KLF12: variants seen among roughly 807,000 people sequenced by gnomAD.
KLF12 encodes Krueppel-like factor 12.
KLF12 carries 9 observed loss-of-function variants against 37.8 expected under a neutral mutation model. The ratio of observed to expected loss-of-function variants is 0.24; its 90% CI spans 0.14 to 0.42. The LOEUF (loss-of-function observed/expected upper bound fraction) is 0.42, where lower values mean the gene tolerates loss of function less well. KLF12 is among the 10% of genes least tolerant of loss of function. The probability of loss-of-function intolerance (pLI) is 1.00; values close to 1 mark genes in which losing one functional copy is unlikely to be tolerated. For synonymous variants in KLF12, 208 were observed against 202.1 expected (o/e 1.03, Z -0.25); for missense variants, 411 against 516.0 (o/e 0.80, Z 1.97).
At chr13:74,234,487 AACACTGTATGAC>A in the KLF12 span, among the ~76,000 whole-genome samples, 1 of 152,234 alleles carries the variant, frequency 6.6e-6, no homozygotes. Flanking sequence ...AATCACATGA[AACACTGTATGAC>A]ACACTGTACC....
intron 3 of KLF12, among the ~76,000 whole-genome samples, chr13:73,857,891 A>G (rs1337124411): frequency 6.6e-6 from 1 of 152,198 alleles, no homozygotes; most frequent in Non-Finnish European, 1.5e-5. Context: ...AACAATATTC[A>G]ATGGCAGGGA....
chr13:73,892,596 T>C (rs1357951303), intron 3 of KLF12, among the ~76,000 whole-genome samples: 1 of 152,172 alleles, frequency 6.6e-6, no homozygotes, highest in African/African-American at 2.4e-5. Context: ...TCTGCTAGTA[T>C]AGAAATCTAA....
the KLF12 span, among the ~76,000 whole-genome samples, chr13:74,297,089 A>G: frequency 1.1e-4 from 16 of 152,216 alleles, no homozygotes; most frequent in Non-Finnish European, 2.1e-4. Context: ...CATTCATCTT[A>G]TCAACCTCTT....
chr13:74,014,658 T>C (rs986639457), intron 1 of KLF12, among the ~76,000 whole-genome samples: 3 of 152,240 alleles, frequency 2.0e-5, no homozygotes, highest in African/African-American at 7.2e-5. Flanking sequence ...TAAAGTTATA[T>C]ATGCTGACAT....
At chr13:74,117,045 A>G (rs920926070) in intron 1 of KLF12, among the ~76,000 whole-genome samples, 4 of 152,244 alleles carry the variant, frequency 2.6e-5, no homozygotes, top group African/African-American at 7.2e-5. Context: ...TAATAATTTC[A>G]AACAGAATTA....
chr13:73,942,278 G>T (rs1890222371), intron 3 of KLF12, among the ~76,000 whole-genome samples: 1 of 152,148 alleles, frequency 6.6e-6, no homozygotes, highest in Non-Finnish European at 1.5e-5. Context: ...TGCACAGTTT[G>T]AACAGATTGT....
chr13:74,134,416 TCCCCTGTGGGAAACTAA>T (rs1173728279), upstream of KLF12, among the ~76,000 whole-genome samples: 2 of 151,332 alleles, frequency 1.3e-5, no homozygotes, highest in African/African-American at 4.9e-5. Flanking sequence ...ATGGTTGAAA[TCCCCTGTGGGAAACTAA>T]CCCCTCCCCG....
At chr13:74,036,964 G>T (rs1344095751) in intron 1 of KLF12, among the ~76,000 whole-genome samples, 1 of 152,120 alleles carries the variant, frequency 6.6e-6, no homozygotes, top group Non-Finnish European at 1.5e-5. Context: ...CCAGCACTTT[G>T]GGAGGCCGAG....
chr13:74,134,278 G>T (rs951833619), upstream of KLF12, among the ~76,000 whole-genome samples: 1 of 152,076 alleles, frequency 6.6e-6, no homozygotes, highest in African/African-American at 2.4e-5. Flanking sequence ...GCGAGCCCCG[G>T]GGTGGGGCCG....
At chr13:74,191,928 T>G in the KLF12 span, among the ~76,000 whole-genome samples, 14 of 152,188 alleles carry the variant, frequency 9.2e-5, no homozygotes, top group Non-Finnish European at 5.9e-5. Context: ...TTCCAGTCAT[T>G]CCCATTTTTG....
intron 6 of KLF12, among the ~76,000 whole-genome samples, chr13:73,764,381 T>C (rs111530582): frequency 0.014 from 2,147 of 152,218 alleles, 31 homozygotes; most frequent in South Asian, 0.058. Context: ...CTATGTTTTC[T>C]GGTTGAAATA....
chr13:73,893,836 A>G (rs1169634680), intron 3 of KLF12, among the ~76,000 whole-genome samples: 3 of 152,224 alleles, frequency 2.0e-5, no homozygotes, highest in Admixed American at 2.0e-4. Context: ...AGACGGCAAT[A>G]GAGCACAGCA....
chr13:73,971,100 G>T (rs7335575), intron 2 of KLF12, among the ~76,000 whole-genome samples: 33,339 of 152,094 alleles, frequency 0.22, 3,832 homozygotes, highest in Middle Eastern at 0.36. Flanking sequence ...CTCGAACCTG[G>T]CAAGGGACAA....
chr13:74,113,578 A>T (rs927926538), intron 1 of KLF12, among the ~76,000 whole-genome samples: 1 of 152,316 alleles, frequency 6.6e-6, no homozygotes, highest in East Asian at 1.9e-4. Flanking sequence ...CAAACTTACT[A>T]TTGAGATGTA....
rs1232090013 is a variant in KLF12 at position 73,749,311 on chromosome 13, A to T, written c.869+15627T>A. Among the ~76,000 whole-genome samples, 3 of 152,212 alleles carry T rather than the reference A, an allele frequency of 2.0e-5. No individual in the cohort carries two copies. In the East Asian group the frequency reaches 5.8e-4, roughly 29 times the overall value. On this transcript the variant is annotated intron_variant, in intron 6 of 7. Coordinates refer to ENST00000377669, the MANE Select transcript of KLF12 (RefSeq NM_007249.5). ...ATGTCGTATGCATTAATCCCATTAAACAACAGAGCCTGCATTTAAATCTCA... is the reference window on the plus strand; with the variant it reads ...ATGTCGTATGCATTAATCCCATTAATCAACAGAGCCTGCATTTAAATCTCA...
intron 3 of KLF12, among the ~76,000 whole-genome samples, chr13:73,920,814 T>C (rs1458681072): frequency 2.0e-5 from 3 of 152,058 alleles, no homozygotes; most frequent in African/African-American, 7.2e-5. Context: ...ACTTGCTGAG[T>C]ATTTTGAACT....
chr13:73,849,375 T>TAAAAAAAAAAAA lies in KLF12; in HGVS notation c.124-3014_124-3003dup, dbSNP rs574332239. Among the ~76,000 whole-genome samples, 142 of 98,950 alleles carry TAAAAAAAAAAAA rather than the reference T, an allele frequency of 1.4e-3. 8 individuals carry two copies. Among genetic ancestry groups the TAAAAAAAAAAAA allele is most frequent in the African/African-American group, 6.4e-3 (132 of 20,776 alleles). 64.9% of individuals were successfully genotyped at this position (98,950 alleles called of 152,430 possible). A position where few individuals can be genotyped will look rare whatever the true frequency, so the allele number is the denominator to read the frequency against. ...GCTTGGGCAACAGAGGGAGACTCCA[T>TAAAAAAAAAAAA]AAAAAAAAAAAAAAAAAAAAAAAAA... On this transcript the variant is annotated intron_variant, in intron 3 of 7. Transcript: ENST00000377669.
At chr13:74,006,406 C>T (rs1053329326) in intron 1 of KLF12, among the ~76,000 whole-genome samples, 1 of 152,164 alleles carries the variant, frequency 6.6e-6, no homozygotes, top group African/African-American at 2.4e-5. Context: ...CTCTTAGTGT[C>T]GATTACCACC....
At chr13:73,909,850 G>A (rs567627017) in intron 3 of KLF12, among the ~76,000 whole-genome samples, 1 of 151,848 alleles carries the variant, frequency 6.6e-6, no homozygotes, top group East Asian at 1.9e-4. Context: ...TAAATTCTTT[G>A]GTTTTTCTTG....
Sources: gnomAD v4.1 joint callset for allele counts (sites outside exome capture counted in the v4.1 genomes callset) on GRCh38, gnomAD v4.1.1 for gene constraint, MANE v1.5 for transcripts, NCBI Gene and HGNC (gene_info 2026-07-23, HGNC 2026-07-21) for gene names.